Variants in TFDP2 observed in about 807,000 individuals in gnomAD.
TFDP2 encodes transcription factor Dp-2 (E2F dimerization partner 2).
Under a neutral mutation model 59.3 loss-of-function variants are expected in TFDP2, and 17 were observed. The observed-to-expected ratio is 0.29, with a 90% confidence interval of 0.20 to 0.43. TFDP2 has a LOEUF of 0.43. Among genes scored for constraint, TFDP2 ranks in the 20% least tolerant of loss-of-function variants. The probability of loss-of-function intolerance (pLI) is 1.00; values close to 1 mark genes in which losing one functional copy is unlikely to be tolerated. For synonymous variants in TFDP2, 180 were observed against 194.7 expected (o/e 0.92, Z 0.63); for missense variants, 391 against 528.8 (o/e 0.74, Z 2.56).
chr3:141,993,798 A>G (rs1156409296), intron 5 of TFDP2, among the ~76,000 whole-genome samples: 1 of 152,256 alleles, frequency 6.6e-6, no homozygotes, highest in African/African-American at 2.4e-5. Context: ...AAAGAGCTCA[A>G]TGACTAGCTA....
Position 141,944,489 on chromosome 3 carries a change from C to T in TFDP2, c.*8024G>A, listed in dbSNP as rs1306804588. ...TCATTCAAATCATAAAAGTCTGATA[C>T]ATTTTTTTCTCAAGAACAACTTACA... is the stretch of plus-strand genomic sequence containing the variant. On this transcript the variant is annotated 3_prime_UTR_variant, in exon 13 of 13. Transcript: ENST00000489671. 4 of 152,116 alleles carry T rather than the reference C, an allele frequency of 2.6e-5. No individual in the cohort carries two copies. The highest frequency in any genetic ancestry group is 5.9e-5 in the Non-Finnish European group (4 of 68,024). 9.4% of individuals were successfully genotyped at this position (152,116 alleles called of 1,614,324 possible).
chr3:142,005,045 T>C (rs1252792779), intron 4 of TFDP2, among the ~76,000 whole-genome samples: 1 of 152,230 alleles, frequency 6.6e-6, no homozygotes, highest in Admixed American at 6.5e-5. Context: ...AAATTAACTA[T>C]AATTTTTTCT....
At chr3:142,104,600 G>C (rs2061417129) in intron 1 of TFDP2, among the ~76,000 whole-genome samples, 2 of 151,952 alleles carry the variant, frequency 1.3e-5, no homozygotes, top group African/African-American at 4.8e-5. Context: ...CATATATTTA[G>C]CTATATTATT....
intron 3 of TFDP2, among the ~76,000 whole-genome samples, chr3:142,069,774 A>T (rs2060183936): frequency 6.6e-6 from 1 of 150,844 alleles, no homozygotes; most frequent in Admixed American, 6.6e-5. Flanking sequence ...TGCCTGGCTA[A>T]TTTTTTGTAT....
At chr3:141,955,182 G>A (rs1936446568) in intron 11 of TFDP2, among the ~76,000 whole-genome samples, 1 of 152,046 alleles carries the variant, frequency 6.6e-6, no homozygotes, top group Admixed American at 6.6e-5. Flanking sequence ...CAATGAATTG[G>A]AAAAGCCTAC....
chr3:142,056,689 A>T (rs1443836557), intron 3 of TFDP2, among the ~76,000 whole-genome samples: 1 of 152,210 alleles, frequency 6.6e-6, no homozygotes, highest in Non-Finnish European at 1.5e-5. Context: ...CTGGACCCTG[A>T]AAAAGTATGT....
At position 141,950,740 on chromosome 3, in the gene TFDP2, G is replaced by C. The variant is rs1024873643; in HGVS notation, c.*1773C>G. 6 of 152,596 alleles carry C rather than the reference G, an allele frequency of 3.9e-5. No individual in the cohort carries two copies. Among genetic ancestry groups the C allele is most frequent in the African/African-American group, 1.4e-4 (6 of 41,420 alleles). 9.5% of individuals were successfully genotyped at this position (152,596 alleles called of 1,614,324 possible). On this transcript the variant is annotated 3_prime_UTR_variant, in exon 13 of 13. Transcript: ENST00000489671. ...TTGGTTTGGAGGGAAATCCCAATCCGTGCAGCTGAAAGATTCCCTGCAGGC... is the reference window on the plus strand; with the variant it reads ...TTGGTTTGGAGGGAAATCCCAATCCCTGCAGCTGAAAGATTCCCTGCAGGC...
At chr3:142,092,062 AGAAAG>A (rs1402284916) in intron 3 of TFDP2, among the ~76,000 whole-genome samples, 1 of 152,220 alleles carries the variant, frequency 6.6e-6, no homozygotes, top group East Asian at 1.9e-4. Flanking sequence ...CACACAAAAG[AGAAAG>A]GAAAGGAATA....
intron 6 of TFDP2, among the ~76,000 whole-genome samples, chr3:141,990,974 C>G (rs1034122154): frequency 6.6e-6 from 1 of 152,144 alleles, no homozygotes; most frequent in African/African-American, 2.4e-5. Flanking sequence ...AGGAGAATCA[C>G]TTGAGCCCAG....
At chr3:142,055,162 A>G (rs1292905363) in intron 3 of TFDP2, among the ~76,000 whole-genome samples, 2 of 152,252 alleles carry the variant, frequency 1.3e-5, no homozygotes, top group Non-Finnish European at 2.9e-5. Context: ...TGAATTGTTC[A>G]TCTACATATA....
At chr3:142,140,347 C>G (rs577929749) in intron 1 of TFDP2, among the ~76,000 whole-genome samples, 3 of 152,282 alleles carry the variant, frequency 2.0e-5, no homozygotes, top group South Asian at 4.2e-4. Context: ...TACCAACCTT[C>G]TGAAGCCTGC....
At chr3:142,115,160 C>T (rs544566051) in intron 1 of TFDP2, among the ~76,000 whole-genome samples, 56 of 152,064 alleles carry the variant, frequency 3.7e-4, no homozygotes, top group African/African-American at 1.3e-3. Context: ...CTTTTAAAAA[C>T]ATTTAAATTA....
chr3:142,033,323 C>T (rs557425380), intron 3 of TFDP2, among the ~76,000 whole-genome samples: 1 of 152,326 alleles, frequency 6.6e-6, no homozygotes, highest in South Asian at 2.1e-4. Flanking sequence ...AGATATAGAA[C>T]ATTTCCATCA....
At chr3:142,011,595 A>G (rs1944698526) in intron 3 of TFDP2, among the ~76,000 whole-genome samples, 1 of 149,618 alleles carries the variant, frequency 6.7e-6, no homozygotes, top group Admixed American at 6.6e-5. Flanking sequence ...TATAATAAAA[A>G]AAAAAAGAAA....
intron 3 of TFDP2, among the ~76,000 whole-genome samples, chr3:142,040,937 T>TA (rs1329127261): frequency 6.6e-6 from 1 of 152,094 alleles, no homozygotes; most frequent in Non-Finnish European, 1.5e-5. Context: ...AAGCAACCAC[T>TA]AAAAATGTAT....
At chr3:142,140,081 C>T (rs4683672) in intron 1 of TFDP2, among the ~76,000 whole-genome samples, 12,645 of 152,096 alleles carry the variant, frequency 0.083, 654 homozygotes, top group Middle Eastern at 0.14. Context: ...ACTCTTTTTT[C>T]GCTAAACTTG....
chr3:142,140,477 G>A (rs913717373), intron 1 of TFDP2, among the ~76,000 whole-genome samples: 4 of 152,168 alleles, frequency 2.6e-5, no homozygotes, highest in Non-Finnish European at 5.9e-5. Context: ...TTTCTGCTCT[G>A]GTTTCTCCCC....
At chr3:141,973,115 ATATATATATT>A (rs1559951446) in intron 8 of TFDP2, among the ~76,000 whole-genome samples, 1 of 91,908 alleles carries the variant, frequency 1.1e-5, no homozygotes, top group Non-Finnish European at 2.3e-5. Flanking sequence ...ATATATATAT[ATATATATATT>A]TTTTTTTTTT....
At chr3:142,017,776 C>T (rs1312608038) in intron 3 of TFDP2, among the ~76,000 whole-genome samples, 2 of 151,896 alleles carry the variant, frequency 1.3e-5, no homozygotes, top group East Asian at 1.9e-4. Flanking sequence ...TGGTTTCGAA[C>T]GCCTGACCTC....
Sources: gnomAD v4.1 joint callset for allele counts (sites outside exome capture counted in the v4.1 genomes callset) on GRCh38, gnomAD v4.1.1 for gene constraint, MANE v1.5 for transcripts, NCBI Gene and HGNC (gene_info 2026-07-23, HGNC 2026-07-21) for gene names.